ADGRF3: variants seen among roughly 807,000 people sequenced by gnomAD.
ADGRF3 encodes adhesion G protein-coupled receptor F3, also known as G protein-coupled receptor 113.
A neutral mutation model predicts 93.2 loss-of-function variants in ADGRF3; 85 were observed. That is an observed-to-expected ratio of 0.91 (90% CI 0.77 to 1.09). ADGRF3 has a LOEUF of 1.09. ADGRF3 is among the 50% of genes least tolerant of loss of function. The probability of loss-of-function intolerance (pLI) is 0.00; values close to 1 mark genes in which losing one functional copy is unlikely to be tolerated. For synonymous variants in ADGRF3, 534 were observed against 532.5 expected (o/e 1.00, Z -0.04); for missense variants, 1,125 against 1,246.2 (o/e 0.90, Z 1.46).
At chr2:26,314,741 A>C in intron 5 of ADGRF3, 118 bp from the exon 6 acceptor site, 1 of 903,902 alleles carries the variant, frequency 1.1e-6, no homozygotes, top group Non-Finnish European at 1.7e-6. Flanking sequence ...CCCAGTGCTT[A>C]ACCCCAGCAA....
intron 1 of ADGRF3, chr2:26,340,428 G>T (rs997702247): frequency 1.3e-5 from 2 of 151,806 alleles, no homozygotes; most frequent in African/African-American, 4.8e-5. Flanking sequence ...AAAACCGAAT[G>T]ACCATTGATC....
At chr2:26,319,760 G>A (rs563581941) in intron 1 of ADGRF3, among the ~76,000 whole-genome samples, 22 of 151,162 alleles carry the variant, frequency 1.5e-4, no homozygotes, top group African/African-American at 2.2e-4. Flanking sequence ...TCTGTTGCCC[G>A]GGCTAGAGTG....
In ADGRF3 at chr2:26,313,489, G is replaced by A. The variant is rs1674375858; in HGVS notation, c.1157C>T (p.Pro386Leu). ...KAGHVAQAPC[P>L]ESKRGIVRRL... The stretch of plus-strand genomic sequence containing the variant: ...CCTCACTATGCCCCTCTTGCTCTCA[G>A]GACATGGGGCCTGTGCCACGTGGCC... Residue 386 changes from proline (P) to leucine (L), a missense_variant, in exon 8 of 14, where the codon CCT becomes CTT. Transcript: ENST00000651242. 4.3e-6 allele frequency: 7 copies of A among 1,611,862 alleles called. No homozygotes were observed. The highest frequency in any genetic ancestry group is 2.7e-5 in the African/African-American group (2 of 74,896).
chr2:26,312,084 C>A lies in ADGRF3; in HGVS notation c.1450-10G>T. 6.3e-7 allele frequency: 1 copy of A among 1,595,272 alleles called. No individual in the cohort carries two copies. ...TGGCAATCAGGAGATTCTGCAGCACCCAAAAGAAAGATGAACCCCGTCTGC... is the reference window on the plus strand; with the variant it reads ...TGGCAATCAGGAGATTCTGCAGCACACAAAAGAAAGATGAACCCCGTCTGC... On this transcript the variant is annotated splice_polypyrimidine_tract_variant and intron_variant, in intron 9 of 13. Transcript: ENST00000651242.
At chr2:26,331,764 GAAAC>G (rs1675783360) in intron 1 of ADGRF3, among the ~76,000 whole-genome samples, 2 of 150,934 alleles carry the variant, frequency 1.3e-5, no homozygotes, top group Admixed American at 6.6e-5. Context: ...CAAAACAAAA[GAAAC>G]AAACAAAAAA....
chr2:26,313,344 G>A, intron 8 of ADGRF3, 33 bp downstream of exon 8: 1 of 1,526,552 alleles, frequency 6.6e-7, no homozygotes, highest in South Asian at 1.3e-5. Context: ...GGGCCGTGGA[G>A]GGGGCACGTG....
At chr2:26,343,668 C>A (rs777108325) in intron 1 of ADGRF3, among the ~76,000 whole-genome samples, 1 of 152,212 alleles carries the variant, frequency 6.6e-6, no homozygotes, top group Non-Finnish European at 1.5e-5. Flanking sequence ...TGGTCTCGAT[C>A]TCCTGACCTC....
Position 26,346,116 on chromosome 2 carries a change from C to A in ADGRF3, c.114+5G>T. On this transcript the variant is annotated splice_donor_5th_base_variant and intron_variant, in intron 1 of 13. Coordinates refer to ENST00000651242, the MANE Select transcript of ADGRF3 (RefSeq NM_001321971.2). ...TGCGCGGTGGGCGGAGCGCGGCTCTCCTACCTTCTCGGGCAGCCCAGTCTT... is the reference window on the plus strand; with the variant it reads ...TGCGCGGTGGGCGGAGCGCGGCTCTACTACCTTCTCGGGCAGCCCAGTCTT... 6.3e-7 allele frequency: 1 copy of A among 1,579,986 alleles called. No individual in the cohort carries two copies.
In ADGRF3 at chr2:26,314,013, G is replaced by A. The variant is rs1436963748; in HGVS notation, c.929-110C>T. On this transcript the variant is annotated intron_variant, in intron 6 of 13. Transcript: ENST00000651242. ...TTCTAGCAATTCAGAAACAGAGGAA[G>A]CAGTGGGGAAGAGCCAAATGATGTG... is the stretch of plus-strand genomic sequence containing the variant. The A allele has an allele frequency of 2.2e-6, 3 of 1,388,914 alleles. No homozygotes were observed. The African/African-American group carries it at 4.3e-5, about 20-fold the overall frequency. The allele number at this position is 1,388,914 out of a possible 1,614,324, so 86.0% of individuals were successfully genotyped here. A position where few individuals can be genotyped will look rare whatever the true frequency, so the allele number is the denominator to read the frequency against.
Position 26,346,549 on chromosome 2 carries a change from A to G in ADGRF3, c.-315T>C. 2.6e-6 allele frequency: 1 copy of G among 382,956 alleles called. No individual in the cohort carries two copies. The highest frequency in any genetic ancestry group is 4.7e-6 in the Non-Finnish European group (1 of 214,362). The allele number at this position is 382,956 out of a possible 1,614,324, so 23.7% of individuals were successfully genotyped here. On this transcript the variant is annotated 5_prime_UTR_variant, in exon 1 of 14. Coordinates refer to ENST00000651242, the MANE Select transcript of ADGRF3 (RefSeq NM_001321971.2). ...CGCTCAGTGATCATGGAGCGAGGGA[A>G]TTCCCTTCCTATTTTTTTTAAACTT...
At position 26,311,606 on chromosome 2, in the gene ADGRF3, TC is replaced by T. The variant is rs764327410; in HGVS notation, c.1917del (p.Asn640ThrfsTer66). ...FSQGEVIMDFGNTDGSPHCVF... is the reference protein window; with the variant it reads ...FSQGEVIMDFXNTDGSPHCVF... ...ACACAGTGAGGGGAACCATCTGTGTTCCCAAAGTCCATGATGACCTCTCCCT... is the reference window on the plus strand; with the variant it reads ...ACACAGTGAGGGGAACCATCTGTGTTCCAAAGTCCATGATGACCTCTCCCT... On this transcript the variant is annotated frameshift_variant, in exon 10 of 14. Transcript: ENST00000651242. LOFTEE classifies it high-confidence loss of function. The T allele has an allele frequency of 6.2e-7, 1 of 1,613,630 alleles. No individual in the cohort carries two copies. The highest frequency in any genetic ancestry group is 1.1e-5 in the South Asian group (1 of 91,082).
At chr2:26,343,548 T>C (rs913816735) in intron 1 of ADGRF3, among the ~76,000 whole-genome samples, 4 of 152,176 alleles carry the variant, frequency 2.6e-5, no homozygotes, top group Middle Eastern at 3.4e-3. Flanking sequence ...CACACCATTC[T>C]CCTGCCTCAG....
chr2:26,334,207 C>A (rs985747969), intron 1 of ADGRF3, among the ~76,000 whole-genome samples: 1 of 150,252 alleles, frequency 6.7e-6, no homozygotes, highest in African/African-American at 2.5e-5. Flanking sequence ...ATAGTCCCAG[C>A]TACTTGGGAG....
intron 1 of ADGRF3, among the ~76,000 whole-genome samples, chr2:26,323,407 G>C (rs1312733675): frequency 6.6e-6 from 1 of 152,140 alleles, no homozygotes; most frequent in Non-Finnish European, 1.5e-5. Flanking sequence ...GAGCTCCTAG[G>C]TTGCTCCTGG....
chr2:26,325,292 A>G (rs758502123), intron 1 of ADGRF3, among the ~76,000 whole-genome samples: 1 of 152,250 alleles, frequency 6.6e-6, no homozygotes, highest in Non-Finnish European at 1.5e-5. Context: ...AAAATTACTT[A>G]TCTGTGAAAT....
chr2:26,323,994 C>T (rs532539366), intron 1 of ADGRF3, among the ~76,000 whole-genome samples: 2 of 152,182 alleles, frequency 1.3e-5, no homozygotes, highest in African/African-American at 4.8e-5. Flanking sequence ...GTAATCCCAG[C>T]ACTTTGGGAG....
intron 4 of ADGRF3, 40 bp downstream of exon 4, chr2:26,316,235 A>C: frequency 6.5e-7 from 1 of 1,534,672 alleles, no homozygotes; most frequent in Non-Finnish European, 8.8e-7. Context: ...CATTTATTTC[A>C]CTTAAGGCCA....
chr2:26,336,103 A>T (rs1410475382), intron 1 of ADGRF3, among the ~76,000 whole-genome samples: 3 of 152,208 alleles, frequency 2.0e-5, no homozygotes, highest in African/African-American at 7.2e-5. Flanking sequence ...ACATAAAGGT[A>T]TGCACAGGAT....
intron 1 of ADGRF3, among the ~76,000 whole-genome samples, chr2:26,322,811 T>G (rs2147897534): frequency 6.6e-6 from 1 of 152,288 alleles, no homozygotes; most frequent in Non-Finnish European, 1.5e-5. Context: ...AATTTTGTAT[T>G]CTGTAATAGA....
Sources: gnomAD v4.1 joint callset for allele counts (sites outside exome capture counted in the v4.1 genomes callset) on GRCh38, gnomAD v4.1.1 for gene constraint, MANE v1.5 for transcripts, NCBI Gene and HGNC (gene_info 2026-07-23, HGNC 2026-07-21) for gene names.